Variants in SMPD4 observed in about 807,000 individuals in gnomAD.
The protein encoded by SMPD4 is neutral sphingomyelinase 3.
SMPD4 carries 58 observed loss-of-function variants against 97.8 expected under a neutral mutation model. The ratio of observed to expected loss-of-function variants is 0.59; its 90% CI spans 0.48 to 0.74. SMPD4 has a LOEUF of 0.74. SMPD4 is among the 30% of genes least tolerant of loss of function. SMPD4 has a pLI of 0.00. For synonymous variants in SMPD4, 388 were observed against 450.0 expected (o/e 0.86, Z 1.74); for missense variants, 853 against 1,080.5 (o/e 0.79, Z 2.95).
At chr2:130,178,816 A>T (rs1689215023) in intron 1 of SMPD4, among the ~76,000 whole-genome samples, 1 of 152,006 alleles carries the variant, frequency 6.6e-6, no homozygotes, top group African/African-American at 2.4e-5. Context: ...AAAAAGAAAA[A>T]AAAAGAAAGA....
intron 1 of SMPD4, among the ~76,000 whole-genome samples, chr2:130,177,894 G>A (rs1450782966): frequency 6.6e-6 from 1 of 152,120 alleles, no homozygotes; most frequent in Non-Finnish European, 1.5e-5. Context: ...AGCAGCCCAA[G>A]ATTCCCGACC....
At chr2:130,155,615 T>G (rs1686700656) in intron 14 of SMPD4, among the ~76,000 whole-genome samples, 1 of 151,740 alleles carries the variant, frequency 6.6e-6, no homozygotes, top group Non-Finnish European at 1.5e-5. Flanking sequence ...GAGGGATCAG[T>G]GGCCATGCCA....
At chr2:130,156,358 G>A (rs1686800552) in intron 13 of SMPD4, 12 of 659,000 alleles carry the variant, frequency 1.8e-5, no homozygotes, top group South Asian at 1.2e-4. Flanking sequence ...CCCTGGTCAG[G>A]TAAGGGTAGG....
intron 11 of SMPD4, 30 bp downstream of exon 11, chr2:130,161,156 G>A (rs776198093): frequency 2.5e-6 from 4 of 1,607,242 alleles, no homozygotes; most frequent in East Asian, 2.2e-5. Context: ...TGCACTCTGG[G>A]CAGGAGGAAG....
At chr2:130,165,530 A>G (rs1447262971) in intron 9 of SMPD4, among the ~76,000 whole-genome samples, 1 of 152,232 alleles carries the variant, frequency 6.6e-6, no homozygotes, top group Non-Finnish European at 1.5e-5. Context: ...ATTCAGCCCT[A>G]AAAAGCAAGG....
chr2:130,177,694 C>CAA (rs747902500), intron 1 of SMPD4, among the ~76,000 whole-genome samples: 109 of 108,252 alleles, frequency 1.0e-3, no homozygotes, highest in African/African-American at 3.4e-3. Context: ...GACTCCATCT[C>CAA]AAAAAAAAAA....
chr2:130,169,134 C>CG (rs1688199635), intron 8 of SMPD4, among the ~76,000 whole-genome samples: 2 of 149,594 alleles, frequency 1.3e-5, no homozygotes, highest in African/African-American at 4.9e-5. Flanking sequence ...TGTCCCACTA[C>CG]GGTGCTCCTC....
At chr2:130,175,419 G>C (rs1171745167) in intron 2 of SMPD4, among the ~76,000 whole-genome samples, 1 of 150,572 alleles carries the variant, frequency 6.6e-6, no homozygotes, top group Non-Finnish European at 1.5e-5. Context: ...ATGGACCACC[G>C]TGATTACACC....
chr2:130,165,493 T>C (rs1471761063), intron 9 of SMPD4, among the ~76,000 whole-genome samples: 1 of 150,310 alleles, frequency 6.7e-6, no homozygotes, highest in Non-Finnish European at 1.5e-5. Context: ...ATAAACACAA[T>C]GTGGTACATC....
intron 1 of SMPD4, 61 bp downstream of exon 1, chr2:130,181,468 AG>A: frequency 6.5e-7 from 1 of 1,548,044 alleles, no homozygotes. Context: ...TGGCCTCCGC[AG>A]GGGCTCGGGG....
At chr2:130,181,685 C>G, upstream of SMPD4, 1 of 1,548,340 alleles carries the variant, frequency 6.5e-7, no homozygotes, top group Non-Finnish European at 8.7e-7. Flanking sequence ...AAGGCGCGTG[C>G]GCAAAGCGAA....
intron 9 of SMPD4, among the ~76,000 whole-genome samples, chr2:130,164,757 A>G (rs1024965557): frequency 2.0e-5 from 3 of 152,188 alleles, no homozygotes; most frequent in African/African-American, 7.2e-5. Flanking sequence ...AAAATAGACA[A>G]CTAGACTTCA....
At position 130,161,300 on chromosome 2, in the gene SMPD4, A is replaced by C. The variant is rs938882296; in HGVS notation, c.865-28T>G. The C allele has an allele frequency of 1.9e-6, 3 of 1,602,584 alleles. No individual in the cohort carries two copies. The African/African-American group carries it at 4.0e-5, about 21-fold the overall frequency. ...GAGATAAGAAACAGAGAGATGCCGG[A>C]AGAGGCCGAAGAGCAGAGGACAAGA... is the stretch of plus-strand genomic sequence containing the variant. On this transcript the variant is annotated intron_variant, in intron 10 of 19. Coordinates refer to ENST00000680298, the MANE Select transcript of SMPD4 (RefSeq NM_017951.5).
intron 9 of SMPD4, among the ~76,000 whole-genome samples, chr2:130,164,676 A>T (rs1038882682): frequency 6.6e-6 from 1 of 152,218 alleles, no homozygotes; most frequent in African/African-American, 2.4e-5. Context: ...CATGGGAGAA[A>T]ACTTCATAAC....
chr2:130,161,654 G>A (rs1287617490), intron 10 of SMPD4, among the ~76,000 whole-genome samples: 2 of 152,112 alleles, frequency 1.3e-5, no homozygotes, highest in Non-Finnish European at 2.9e-5. Context: ...CCTTCAAGAC[G>A]GGACCCACTC....
chr2:130,181,325 G>A, intron 1 of SMPD4: 1 of 1,426,296 alleles, frequency 7.0e-7, no homozygotes. Context: ...CGAGCCGCGC[G>A]GGAAGGTGGC....
chr2:130,171,323 G>A (rs1235857105), intron 8 of SMPD4, among the ~76,000 whole-genome samples: 2 of 151,684 alleles, frequency 1.3e-5, no homozygotes, highest in African/African-American at 4.8e-5. Context: ...GGCTGGTCTC[G>A]AATTCCTGAC....
At position 130,152,707 on chromosome 2, in the gene SMPD4, G is replaced by A. The variant is rs746017920; in HGVS notation, c.2332C>T (p.Arg778Trp). The change falls in exon 20 of 20, where the codon CGG becomes TGG. Residue 778 changes from arginine (R) to tryptophan (W), a missense_variant. Physicochemically the swap from Arg to Trp is moderately radical, Grantham distance 101. Transcript: ENST00000680298. ...RLSLRFLGSY[R>W]TLVSLLLAFF... is the part of the protein sequence containing the mutation. ...GCCAGCAGCAGCGAGACCAGCGTCC[G>A]GTAACTGCCCAGGAAGCGCAGGCTG... is the stretch of plus-strand genomic sequence containing the variant. 7.4e-5 allele frequency: 116 copies of A among 1,577,810 alleles called. 1 individual carries two copies. The highest frequency in any genetic ancestry group is 3.9e-4 in the Middle Eastern group (2 of 5,154).
Position 130,173,662 on chromosome 2 carries a change from A to G in SMPD4, c.127-6T>C. 1 of 1,613,862 alleles carries G rather than the reference A, an allele frequency of 6.2e-7. No individual in the cohort carries two copies. The highest frequency in any genetic ancestry group is 8.5e-7 in the Non-Finnish European group (1 of 1,179,842). On this transcript the variant is annotated splice_region_variant and splice_polypyrimidine_tract_variant and intron_variant, in intron 3 of 19. Coordinates refer to ENST00000680298, the MANE Select transcript of SMPD4 (RefSeq NM_017951.5). ...GGGAAGATGGTGTGCAGCTCCTGAA[A>G]CAATGTGTGGTGAAGCCGCGTGCAG...
Sources: allele counts gnomAD v4.1 joint callset (sites outside exome capture counted in the v4.1 genomes callset), GRCh38; gene constraint gnomAD v4.1.1; transcripts MANE v1.5; gene names NCBI Gene and HGNC (gene_info 2026-07-23, HGNC 2026-07-21).